The following WWOX variants were observed in gnomAD, a reference collection of about 807,000 sequenced individuals.
The protein encoded by WWOX is WW domain-containing oxidoreductase.
WWOX carries 69 observed loss-of-function variants against 46.2 expected under a neutral mutation model. The ratio of observed to expected loss-of-function variants is 1.49; its 90% CI spans 1.23 to 1.82. The LOEUF is 1.82. Among genes scored for constraint, WWOX ranks in the 40% most tolerant of loss-of-function variants. The pLI is 0.00. For synonymous variants in WWOX, 359 were observed against 202.6 expected (o/e 1.77, Z -6.56); for missense variants, 919 against 542.6 (o/e 1.69, Z -6.89).
intron 8 of WWOX, among the ~76,000 whole-genome samples, chr16:78,478,772 A>G (rs571785385): frequency 6.6e-5 from 10 of 152,228 alleles, no homozygotes; most frequent in Non-Finnish European, 1.3e-4. Context: ...TAGCAGTTCA[A>G]ACTAGACAGC....
At chr16:78,614,062 C>T (rs559979910) in intron 8 of WWOX, among the ~76,000 whole-genome samples, 8 of 152,294 alleles carry the variant, frequency 5.3e-5, no homozygotes, top group East Asian at 1.9e-4. Context: ...GCAGAAAATG[C>T]GCTGAACCTT....
In WWOX at chr16:79,109,074, T is replaced by A. The variant is rs1219969761; in HGVS notation, c.1057-102534T>A. ...TGTTGTCTTTGTGTCCGTGAGCATG[T>A]GTGTGTGCCCTGGGTTCCTCTCCCA... On this transcript the variant is annotated intron_variant, in intron 8 of 8. Transcript: ENST00000566780. Among the ~76,000 whole-genome samples the A allele has an allele frequency of 4.1e-4, 62 of 152,074 alleles. 1 individual carries two copies. Among genetic ancestry groups the A allele is most frequent in the Non-Finnish European group, 2.9e-5 (2 of 68,012 alleles).
chr16:78,967,376 C>T (rs1249024326), intron 8 of WWOX, among the ~76,000 whole-genome samples: 7 of 143,854 alleles, frequency 4.9e-5, no homozygotes, highest in South Asian at 2.3e-4. Flanking sequence ...TGCAGCCTCC[C>T]GGGCTCAAGC....
intron 8 of WWOX, among the ~76,000 whole-genome samples, chr16:78,608,368 T>A (rs558925867): frequency 5.3e-5 from 8 of 152,324 alleles, no homozygotes; most frequent in African/African-American, 1.9e-4. Flanking sequence ...GAAACCAGAT[T>A]GCAAGTCTGT....
intron 8 of WWOX, among the ~76,000 whole-genome samples, chr16:79,104,047 G>T (rs1199806472): frequency 1.7e-5 from 2 of 117,532 alleles, no homozygotes; most frequent in African/African-American, 3.0e-5. Context: ...TGGGGGGGGG[G>T]GGGCGGGTGG....
intron 5 of WWOX, among the ~76,000 whole-genome samples, chr16:78,283,757 G>T (rs1350224606): frequency 6.6e-6 from 1 of 151,854 alleles, no homozygotes. Context: ...TGGTTACATA[G>T]TGACAACAGT....
intron 8 of WWOX, among the ~76,000 whole-genome samples, chr16:79,074,551 A>G (rs1292340422): frequency 6.6e-6 from 1 of 150,734 alleles, no homozygotes; most frequent in Non-Finnish European, 1.5e-5. Context: ...GGGGATCTCT[A>G]CACTCCTACT....
At chr16:79,043,958 G>C (rs1014248570) in intron 8 of WWOX, among the ~76,000 whole-genome samples, 2 of 152,186 alleles carry the variant, frequency 1.3e-5, no homozygotes, top group African/African-American at 4.8e-5. Flanking sequence ...TGTCTTCTGT[G>C]GTTTGGTCCT....
At chr16:78,924,810 A>T (rs1220249217) in intron 8 of WWOX, among the ~76,000 whole-genome samples, 1 of 152,176 alleles carries the variant, frequency 6.6e-6, no homozygotes, top group Non-Finnish European at 1.5e-5. Context: ...TTAGACTACT[A>T]GTGATTGTTG....
At chr16:78,293,846 C>T (rs574304225) in intron 5 of WWOX, among the ~76,000 whole-genome samples, 8 of 151,866 alleles carry the variant, frequency 5.3e-5, no homozygotes, top group South Asian at 4.2e-4. Context: ...TGTGTTGTCA[C>T]GTGACTTTAA....
rs908156620 is a variant in WWOX, at chr16:78,333,799, C to T, written c.517-53061C>T. ...TTTGGCTTATTTGGCGTTTTGTTTT[C>T]TTGAAGACATACTTGAATTTTAAAT... On this transcript the variant is annotated intron_variant, in intron 5 of 8. Transcript: ENST00000566780. Among the ~76,000 whole-genome samples, 4 of 152,262 alleles carry T rather than the reference C, an allele frequency of 2.6e-5. No individual in the cohort carries two copies. The South Asian group carries it at 8.3e-4, about 32-fold the overall frequency.
intron 8 of WWOX, among the ~76,000 whole-genome samples, chr16:78,704,411 A>G (rs1177380183): frequency 6.6e-6 from 1 of 152,138 alleles, no homozygotes; most frequent in African/African-American, 2.4e-5. Context: ...ATAATGCACA[A>G]TACATGTAGT....
At chr16:78,767,482 C>CTGTGTGTGTG (rs3051061) in intron 8 of WWOX, among the ~76,000 whole-genome samples, 56 of 143,124 alleles carry the variant, frequency 3.9e-4, no homozygotes, top group African/African-American at 1.4e-3. Context: ...GTGTGTGTGT[C>CTGTGTGTGTG]TGTGTGTGTG....
At chr16:78,139,100 T>C (rs1310790471) in intron 4 of WWOX, among the ~76,000 whole-genome samples, 1 of 152,026 alleles carries the variant, frequency 6.6e-6, no homozygotes, top group Non-Finnish European at 1.5e-5. Context: ...GATGGCAAAG[T>C]CATTGGGTCA....
intron 8 of WWOX, among the ~76,000 whole-genome samples, chr16:78,516,643 A>G (rs1283817687): frequency 2.0e-5 from 3 of 152,102 alleles, no homozygotes; most frequent in Non-Finnish European, 2.9e-5. Flanking sequence ...GTCTCCTCCT[A>G]TTCCTCTGTA....
At chr16:78,267,329 G>A (rs947279746) in intron 5 of WWOX, among the ~76,000 whole-genome samples, 2 of 152,104 alleles carry the variant, frequency 1.3e-5, no homozygotes, top group Non-Finnish European at 2.9e-5. Flanking sequence ...GTGGTCACAC[G>A]GATATTAATT....
intron 8 of WWOX, among the ~76,000 whole-genome samples, chr16:78,894,020 T>TTTATTACTATTA (rs1555561426): frequency 7.1e-6 from 1 of 140,080 alleles, no homozygotes; most frequent in Non-Finnish European, 1.5e-5. Context: ...TATTGAGGCT[T>TTTATTACTATTA]TTATTATTAT....
At chr16:78,788,751 C>T (rs1215480849) in intron 8 of WWOX, among the ~76,000 whole-genome samples, 1 of 152,168 alleles carries the variant, frequency 6.6e-6, no homozygotes, top group African/African-American at 2.4e-5. Flanking sequence ...TGGGAACTTC[C>T]ACCTGAAGCC....
rs138877743 is a variant in WWOX, at chr16:79,008,066, G to A, written c.1057-203542G>A. Among the ~76,000 whole-genome samples, 177 of 152,292 alleles carry A rather than the reference G, an allele frequency of 1.2e-3. 2 individuals are homozygous for A. In the East Asian group the frequency reaches 0.027, roughly 23 times the overall value. On this transcript the variant is annotated intron_variant, in intron 8 of 8. Transcript: ENST00000566780. The stretch of plus-strand genomic sequence containing the variant: ...GGTCTCATGAGGCTGAAATCAAAGC[G>A]TCAGCCAGGGATGGGGTCTTATCAG...
Sources: allele counts gnomAD v4.1 joint callset (sites outside exome capture counted in the v4.1 genomes callset), GRCh38; gene constraint gnomAD v4.1.1; transcripts MANE v1.5; gene names NCBI Gene and HGNC (gene_info 2026-07-23, HGNC 2026-07-21).